NR4A3: variants seen among roughly 807,000 people sequenced by gnomAD.
NR4A3 encodes the protein nuclear receptor subfamily 4 group A member 3.
Under a neutral mutation model 55.6 loss-of-function variants are expected in NR4A3, and 13 were observed. The ratio of observed to expected loss-of-function variants is 0.23; its 90% CI spans 0.15 to 0.37. The LOEUF is 0.37. NR4A3 is among the 10% of genes least tolerant of loss of function. The pLI is 1.00. For missense variants in NR4A3, 646 were observed against 822.8 expected (o/e 0.79, Z 2.63); for synonymous variants, 342 against 357.9 (o/e 0.96, Z 0.50).
At chr9:99,847,000 A>C (rs2118118315) in intron 6 of NR4A3, among the ~76,000 whole-genome samples, 1 of 152,300 alleles carries the variant, frequency 6.6e-6, no homozygotes, top group African/African-American at 2.4e-5. Context: ...GTCTAGCCTC[A>C]GGCCTTGGCA....
intron 2 of NR4A3, chr9:99,826,696 A>C (rs535816476): frequency 2.2e-6 from 3 of 1,339,408 alleles, no homozygotes; most frequent in African/African-American, 2.9e-5. Flanking sequence ...AAAGGCTTGA[A>C]CTGGCCTCTC....
chr9:99,826,476 A>G (rs550294619), intron 2 of NR4A3, among the ~76,000 whole-genome samples: 1 of 152,386 alleles, frequency 6.6e-6, no homozygotes, highest in Admixed American at 6.5e-5. Flanking sequence ...AAATAAGAGC[A>G]GTAAAAAGGG....
At position 99,863,958 on chromosome 9, in the gene NR4A3, T is replaced by C; in HGVS notation, c.*91T>C. 7.0e-7 allele frequency: 1 copy of C among 1,427,224 alleles called. No homozygotes were observed. The highest frequency in any genetic ancestry group is 9.4e-7 in the Non-Finnish European group (1 of 1,059,770). 88.4% of individuals were successfully genotyped at this position (1,427,224 alleles called of 1,614,324 possible). ...AGGTTTGGAAACCTATCATTTCCTG[T>C]CCTTCCTTAAGAGGAAAAGCAGCTC... On this transcript the variant is annotated 3_prime_UTR_variant, in exon 8 of 8. Coordinates refer to ENST00000395097, the MANE Select transcript of NR4A3 (RefSeq NM_006981.4).
intron 5 of NR4A3, among the ~76,000 whole-genome samples, chr9:99,841,231 GAA>G (rs11374154): frequency 4.6e-5 from 6 of 129,526 alleles, no homozygotes; most frequent in Admixed American, 1.6e-4. Context: ...CTCTGTCTCC[GAA>G]AAAAAAAAAA....
Position 99,865,720 on chromosome 9 carries a change from G to A in NR4A3, c.*1853G>A, listed in dbSNP as rs888870052. The A allele has an allele frequency of 4.9e-6, 1 of 203,400 alleles. No individual in the cohort carries two copies. The highest frequency in any genetic ancestry group is 7.7e-5 in the East Asian group (1 of 13,018). The allele number at this position is 203,400 out of a possible 1,614,324, so 12.6% of individuals were successfully genotyped here. A position where few individuals can be genotyped will look rare whatever the true frequency, so the allele number is the denominator to read the frequency against. On this transcript the variant is annotated 3_prime_UTR_variant, in exon 8 of 8. Transcript: ENST00000395097. The surrounding 1 kb of genome is among the most constrained non-coding windows in gnomAD (Gnocchi z 4.3). ...CAATCAAACAAATGCCAAATGAATT[G>A]CCTAATTGCTGCAAAGTATAACCCA...
chr9:99,828,856 G>A lies in NR4A3; in HGVS notation c.814G>A (p.Gly272Ser), dbSNP rs1390106303. The A allele has an allele frequency of 1.3e-6, 2 of 1,497,006 alleles. No homozygotes were observed. Among genetic ancestry groups the A allele is most frequent in the South Asian group, 1.2e-5 (1 of 81,002 alleles). The allele number at this position is 1,497,006 out of a possible 1,614,324, so 92.7% of individuals were successfully genotyped here. The change falls in exon 3 of 8, where the codon GGC (glycine) becomes AGC (serine). Residue 272 changes from glycine (G) to serine (S), a missense_variant. By Grantham distance (56) the Gly-to-Ser change is moderately conservative (BLOSUM62 0). Coordinates refer to ENST00000395097, the MANE Select transcript of NR4A3 (RefSeq NM_006981.4). The surrounding 1 kb of genome is among the most constrained non-coding windows in gnomAD (Gnocchi z 7.7). ...CTCCCCTACCGCGTCCAGCCTGCTG[G>A]GCGAGAGTCCCAGCCTGCCGTCGCC... ...TPSPTASSLL[G>S]ESPSLPSPPS... is the part of the protein sequence containing the mutation.
intron 7 of NR4A3, among the ~76,000 whole-genome samples, chr9:99,855,237 G>C (rs566673626): frequency 6.6e-6 from 1 of 152,248 alleles, no homozygotes; most frequent in African/African-American, 2.4e-5. Context: ...TTACCAGCTA[G>C]ACTGTGGGGT....
chr9:99,856,367 T>C (rs1050019547), intron 7 of NR4A3, among the ~76,000 whole-genome samples: 6 of 151,872 alleles, frequency 4.0e-5, no homozygotes, highest in Non-Finnish European at 8.8e-5. Context: ...CCTATGAGAA[T>C]CTAATGCCGC....
intron 3 of NR4A3, among the ~76,000 whole-genome samples, chr9:99,829,701 G>A (rs1405375262): frequency 2.0e-5 from 3 of 152,120 alleles, no homozygotes. Context: ...TTCCATAGAA[G>A]ATAGAACTTG....
At chr9:99,838,156 G>A (rs1047027194) in intron 5 of NR4A3, among the ~76,000 whole-genome samples, 5 of 152,174 alleles carry the variant, frequency 3.3e-5, no homozygotes, top group Admixed American at 2.6e-4. Context: ...AGCAATACAA[G>A]TATGTATAGA....
At chr9:99,836,304 A>C (rs558280078) in intron 5 of NR4A3, among the ~76,000 whole-genome samples, 15 of 152,370 alleles carry the variant, frequency 9.8e-5, no homozygotes, top group African/African-American at 3.6e-4. Flanking sequence ...AGCCTTGGCA[A>C]AGTGGTTCAT....
intron 5 of NR4A3, among the ~76,000 whole-genome samples, chr9:99,835,647 T>A (rs545777865): frequency 1.3e-5 from 2 of 152,282 alleles, no homozygotes; most frequent in South Asian, 4.1e-4. Flanking sequence ...TCAAAAGTAA[T>A]TTTTTGGCCC....
In NR4A3 at chr9:99,829,004, G is replaced by C. The variant is rs1290686036; in HGVS notation, c.951+11G>C. ...AAGGGCTTTTTCAAGGTGAGCGCAC[G>C]CCGCCCCCTCCCCTCCGCACCCAGC... On this transcript the variant is annotated intron_variant, in intron 3 of 7. Coordinates refer to ENST00000395097, the MANE Select transcript of NR4A3 (RefSeq NM_006981.4). 19 of 1,333,884 alleles carry C rather than the reference G, an allele frequency of 1.4e-5. No homozygotes were observed. The Middle Eastern group carries it at 8.3e-4, about 58-fold the overall frequency. 82.6% of individuals were successfully genotyped at this position (1,333,884 alleles called of 1,614,324 possible).
rs1345730146 is a variant in NR4A3, at chr9:99,832,697, G to A, written c.960G>A (p.Val320=). ...EGCKGFFKRT[V]QKNAKYVCLA... The stretch of plus-strand genomic sequence containing the variant: ...GTATTATATTTTCTCAGAGAACAGT[G>A]CAGAAAAATGCAAAATATGTTTGCC... Residue 320 remains valine (V), a synonymous_variant, in exon 4 of 8, where the codon GTG becomes GTA. Transcript: ENST00000395097. 2.5e-6 allele frequency: 4 copies of A among 1,606,144 alleles called. No homozygotes were observed. The highest frequency in any genetic ancestry group is 2.2e-5 in the South Asian group (2 of 90,316).
Position 99,849,144 on chromosome 9 carries a change from G to A in NR4A3, c.1633+1529G>A, listed in dbSNP as rs529734021. Among the ~76,000 whole-genome samples the A allele has an allele frequency of 5.9e-5, 9 of 152,330 alleles. No individual in the cohort carries two copies. In the South Asian group the frequency reaches 1.0e-3, roughly 18 times the overall value. On this transcript the variant is annotated intron_variant, in intron 7 of 7. Transcript: ENST00000395097. ...ATGTGCATTGGTTTGCCCAAGCATTGTTTACTTGCATTTCTTGGGATATCT... is the reference window on the plus strand; with the variant it reads ...ATGTGCATTGGTTTGCCCAAGCATTATTTACTTGCATTTCTTGGGATATCT...
At chr9:99,824,490 G>C (rs916892514) in intron 1 of NR4A3, among the ~76,000 whole-genome samples, 1 of 152,242 alleles carries the variant, frequency 6.6e-6, no homozygotes, top group Non-Finnish European at 1.5e-5. Flanking sequence ...CAAGCTTTCC[G>C]TCCGAGCAGC....
intron 7 of NR4A3, among the ~76,000 whole-genome samples, chr9:99,862,189 ATGTAAATG>A (rs1412719470): frequency 6.6e-6 from 1 of 152,134 alleles, no homozygotes; most frequent in Non-Finnish European, 1.5e-5. Flanking sequence ...ATGATTTTAC[ATGTAAATG>A]TACTGAGAGA....
intron 5 of NR4A3, among the ~76,000 whole-genome samples, chr9:99,842,625 G>T (rs1827673684): frequency 6.6e-6 from 1 of 152,106 alleles, no homozygotes; most frequent in Admixed American, 6.5e-5. Flanking sequence ...CAGCTACTCG[G>T]GAGGCTGAGG....
chr9:99,844,657 C>G lies in NR4A3; in HGVS notation c.1263C>G (p.Pro421=). 6.2e-7 allele frequency: 1 copy of G among 1,614,140 alleles called. No individual in the cohort carries two copies. The highest frequency in any genetic ancestry group is 8.5e-7 in the Non-Finnish European group (1 of 1,179,986). The change falls in exon 6 of 8, where the codon CCC becomes CCG. Residue 421 remains proline (P), a synonymous_variant. Coordinates refer to ENST00000395097, the MANE Select transcript of NR4A3 (RefSeq NM_006981.4). The part of the protein sequence containing the change: ...PRDLDYSRYC[P]TDQAAAGTDA... Reference sequence around the variant, plus strand: ...TCTGGTTTGCATTCTAGTACTGTCCCACTGACCAGGCTGCTGCAGGCACAG... The same window carrying G: ...TCTGGTTTGCATTCTAGTACTGTCCGACTGACCAGGCTGCTGCAGGCACAG...
Sources: gnomAD v4.1 joint callset for allele counts (sites outside exome capture counted in the v4.1 genomes callset) on GRCh38, gnomAD v4.1.1 for gene constraint, Gnocchi (gnomAD v3.1) non-coding constraint, MANE v1.5 for transcripts, NCBI Gene and HGNC (gene_info 2026-07-23, HGNC 2026-07-21) for gene names.